KIF3B: variants seen among roughly 807,000 people sequenced by gnomAD.
KIF3B encodes the protein kinesin family member 3B.
In KIF3B, 38 loss-of-function variants were observed where a neutral mutation model predicts 74.3. The ratio of observed to expected loss-of-function variants is 0.51; its 90% confidence interval spans 0.39 to 0.67. The LOEUF (loss-of-function observed/expected upper bound fraction) is 0.67, where lower values mean the gene tolerates loss of function less well. Among genes scored for constraint, KIF3B ranks in the 30% least tolerant of loss-of-function variants. The probability of loss-of-function intolerance (pLI) is 0.00; values close to 1 mark genes in which losing one functional copy is unlikely to be tolerated. For missense variants in KIF3B, 649 were observed against 932.0 expected, an observed-to-expected ratio of 0.70 and a Z score of 3.95; for synonymous variants, 326 against 342.5, an observed-to-expected ratio of 0.95 and a Z score of 0.53.
intron 1 of KIF3B, among the ~76,000 whole-genome samples, chr20:32,293,597 A>C (rs1165075085): frequency 6.6e-6 from 1 of 152,126 alleles, no homozygotes; most frequent in Admixed American, 6.6e-5. Context: ...AGTGCAGAGC[A>C]AGAGTCTGTC....
At chr20:32,297,264 C>T (rs1184384820) in intron 1 of KIF3B, among the ~76,000 whole-genome samples, 1 of 152,204 alleles carries the variant, frequency 6.6e-6, no homozygotes, top group South Asian at 2.1e-4. Flanking sequence ...ATTTGAGGTG[C>T]GTTAGTATGC....
Position 32,316,733 on chromosome 20 carries a change from ACCTGCCTCT to A in KIF3B, c.1630-20_1630-12del. On this transcript the variant is annotated splice_polypyrimidine_tract_variant and intron_variant, in intron 4 of 8. Transcript: ENST00000375712. ...TACCCTTTGGACAGACACCCTCCTCACCTGCCTCTCCCCTCATTCCAGCTCTTCTCCAAG... is the reference window on the plus strand; with the variant it reads ...TACCCTTTGGACAGACACCCTCCTCACCCCTCATTCCAGCTCTTCTCCAAG... 6.2e-7 allele frequency: 1 copy of A among 1,613,078 alleles called. No individual in the cohort carries two copies. Among genetic ancestry groups the A allele is most frequent in the Non-Finnish European group, 8.5e-7 (1 of 1,179,148 alleles).
intron 2 of KIF3B, among the ~76,000 whole-genome samples, chr20:32,314,766 T>A (rs1156246192): frequency 2.6e-5 from 4 of 152,082 alleles, no homozygotes; most frequent in Admixed American, 6.6e-5. Context: ...TCAGCCCCTA[T>A]CAAAATGCTG....
chr20:32,310,925 G>A lies in KIF3B; in HGVS notation c.1148G>A (p.Arg383Gln), dbSNP rs749727452. 53 of 1,613,672 alleles carry A rather than the reference G, an allele frequency of 3.3e-5. No homozygotes were observed. The highest frequency in any genetic ancestry group is 8.9e-5 in the East Asian group (4 of 44,892). The change falls in exon 2 of 9, where the codon CGG becomes CAG. Residue 383 changes from arginine to glutamine, a missense_variant. By Grantham distance (43) the Arg-to-Gln change is conservative. Around this residue, in one of 4 missense-constraint regions of KIF3B, gnomAD observed 363 missense variants for 592.8 expected, o/e 0.61. Transcript: ENST00000375712. This position sits in a 1 kb window ranked among gnomAD's most constrained non-coding sequence, Gnocchi z 6.5. ...SIGRRKRREK[R>Q]REGGGSGGGG... Reference sequence around the variant, plus strand: ...GGTAGGAGGAAGAGGCGAGAGAAGCGGAGGGAAGGTGGTGGCAGTGGTGGG... The same window carrying A: ...GGTAGGAGGAAGAGGCGAGAGAAGCAGAGGGAAGGTGGTGGCAGTGGTGGG...
chr20:32,310,050 C>A lies in KIF3B; in HGVS notation c.273C>A (p.Thr91=), dbSNP rs750471660. The change falls in exon 2 of 9, where the codon ACC becomes ACA. Residue 91 remains threonine (T), a synonymous_variant. Transcript: ENST00000375712. This position sits in a 1 kb window ranked among gnomAD's most constrained non-coding sequence, Gnocchi z 6.5. The stretch of plus-strand genomic sequence containing the variant: ...CTGTCCTGCAAGGTTTCAATGGAAC[C>A]ATTTTTGCCTATGGACAAACTGGGA... The part of the protein sequence containing the change: ...VDSVLQGFNG[T]IFAYGQTGTG... 6.2e-7 allele frequency: 1 copy of A among 1,614,038 alleles called. No individual in the cohort carries two copies. The highest frequency in any genetic ancestry group is 8.5e-7 in the Non-Finnish European group (1 of 1,180,030).
intron 5 of KIF3B, among the ~76,000 whole-genome samples, chr20:32,320,945 A>G (rs1252153748): frequency 6.6e-6 from 1 of 152,090 alleles, no homozygotes; most frequent in African/African-American, 2.4e-5. Flanking sequence ...CGCATGTTTC[A>G]TTCTCTTAGA....
At chr20:32,321,547 T>C (rs1421427350) in intron 5 of KIF3B, among the ~76,000 whole-genome samples, 2 of 152,172 alleles carry the variant, frequency 1.3e-5, no homozygotes, top group Non-Finnish European at 2.9e-5. Context: ...CATTCTGTCT[T>C]AATTACTATA....
At chr20:32,287,539 C>T (rs1045455762) in intron 1 of KIF3B, among the ~76,000 whole-genome samples, 8 of 151,982 alleles carry the variant, frequency 5.3e-5, no homozygotes, top group Middle Eastern at 3.4e-3. Context: ...TCAGGCTGGT[C>T]TCAACTCCTG....
At chr20:32,319,592 T>G (rs1281084623) in intron 5 of KIF3B, among the ~76,000 whole-genome samples, 5 of 143,160 alleles carry the variant, frequency 3.5e-5, no homozygotes, top group Admixed American at 7.0e-5. Context: ...GTTTTTTTTT[T>G]TTTTTTTTTT....
At chr20:32,308,838 C>T (rs1222337225) in intron 1 of KIF3B, among the ~76,000 whole-genome samples, 1 of 151,748 alleles carries the variant, frequency 6.6e-6, no homozygotes, top group Non-Finnish European at 1.5e-5. Flanking sequence ...GCCTCAGCCT[C>T]CCAAGTAGCT....
intron 5 of KIF3B, among the ~76,000 whole-genome samples, chr20:32,320,668 A>G (rs1208792547): frequency 1.3e-5 from 2 of 151,886 alleles, no homozygotes; most frequent in Non-Finnish European, 2.9e-5. Flanking sequence ...GTTGCATGCT[A>G]GCACACCTGG....
chr20:32,303,562 T>TAA (rs113124237), intron 1 of KIF3B, among the ~76,000 whole-genome samples: 1 of 138,282 alleles, frequency 7.2e-6, no homozygotes. Flanking sequence ...GAGACTCCGT[T>TAA]AAAAAAAAAA....
At chr20:32,317,287 C>A (rs1287706498) in intron 5 of KIF3B, among the ~76,000 whole-genome samples, 1 of 152,094 alleles carries the variant, frequency 6.6e-6, no homozygotes, top group Non-Finnish European at 1.5e-5. Context: ...CATCTCCTGC[C>A]ACCCCATGTT....
At chr20:32,278,388 T>C (rs2047626469) in intron 1 of KIF3B, among the ~76,000 whole-genome samples, 1 of 152,100 alleles carries the variant, frequency 6.6e-6, no homozygotes, top group African/African-American at 2.4e-5. Context: ...TAGACTACTG[T>C]GGAAATCAGT....
rs2047944551 is a variant in KIF3B, at chr20:32,334,185, C to A, written c.*2866C>A. ...TGTGTATGCAACCCCCAATAGACCC[C>A]CTTTTACTCTGATCTGGAGAATGTA... On this transcript the variant is annotated 3_prime_UTR_variant, in exon 9 of 9. Transcript: ENST00000375712. 6.5e-6 allele frequency: 1 copy of A among 152,672 alleles called. No individual in the cohort carries two copies. Among genetic ancestry groups the A allele is most frequent in the African/African-American group, 2.4e-5 (1 of 41,448 alleles). The allele number at this position is 152,672 out of a possible 1,614,324, so 9.5% of individuals were successfully genotyped here. A position where few individuals can be genotyped will look rare whatever the true frequency, so the allele number is the denominator to read the frequency against.
Position 32,309,827 on chromosome 20 carries a change from G to T in KIF3B, c.50G>T (p.Arg17Leu). Residue 17 changes from arginine (R) to leucine (L), a missense_variant, in exon 2 of 9, where the codon CGG becomes CTG. By Grantham distance (102) the Arg-to-Leu change is moderately radical (BLOSUM62 -2). Coordinates refer to ENST00000375712, the MANE Select transcript of KIF3B (RefSeq NM_004798.4). ...TCAGTCAGGGTGGTGGTTCGCTGTC[G>T]GCCCATGAATGGCAAGGAAAAGGCT... ...SESVRVVVRCRPMNGKEKAAS... is the reference protein window; with the variant it reads ...SESVRVVVRCLPMNGKEKAAS... 1 of 1,614,060 alleles carries T rather than the reference G, an allele frequency of 6.2e-7. No homozygotes were observed. Among genetic ancestry groups the T allele is most frequent in the South Asian group, 1.1e-5 (1 of 91,078 alleles).
intron 5 of KIF3B, among the ~76,000 whole-genome samples, chr20:32,320,095 A>G (rs540752535): frequency 5.9e-5 from 9 of 151,904 alleles, no homozygotes; most frequent in Non-Finnish European, 1.0e-4. Flanking sequence ...GGGTTTTACC[A>G]TCTTGGCCAG....
rs189502954 is a variant in KIF3B at position 32,327,117 on chromosome 20, T to G, written c.1862+233T>G. ...ACTTTGTCACTAGTGAGTGAGCAAGTGACCTTTCCAAAGTTCCTGCATTTC... is the reference window on the plus strand; with the variant it reads ...ACTTTGTCACTAGTGAGTGAGCAAGGGACCTTTCCAAAGTTCCTGCATTTC... On this transcript the variant is annotated intron_variant, in intron 6 of 8. Transcript: ENST00000375712. Among the ~76,000 whole-genome samples the G allele has an allele frequency of 1.8e-4, 28 of 152,294 alleles. No homozygotes were observed. The East Asian group carries it at 4.8e-3, about 26-fold the overall frequency.
chr20:32,287,377 T>G (rs543980368), intron 1 of KIF3B, among the ~76,000 whole-genome samples: 2 of 152,118 alleles, frequency 1.3e-5, no homozygotes, highest in Admixed American at 1.3e-4. Flanking sequence ...GCTGGAATAC[T>G]GTGGCATGAT....
Sources: allele counts gnomAD v4.1 joint callset (sites outside exome capture counted in the v4.1 genomes callset), GRCh38; gene constraint gnomAD v4.1.1; regional missense constraint gnomAD v4.1.1; non-coding constraint Gnocchi (gnomAD v3.1); transcripts MANE v1.5; gene names NCBI Gene and HGNC (gene_info 2026-07-23, HGNC 2026-07-21).